The following THSD7A variants were observed in gnomAD, a reference collection of about 807,000 sequenced individuals.
THSD7A encodes thrombospondin type 1 domain containing 7A, also known as thrombospondin type-1 domain-containing protein 7A.
In THSD7A, 96 loss-of-function variants were observed where a neutral mutation model predicts 231.3. That is an observed-to-expected ratio of 0.41 (90% CI 0.35 to 0.49). THSD7A has a LOEUF of 0.49. THSD7A is among the 20% of genes least tolerant of loss of function. The pLI, the probability that THSD7A is intolerant of heterozygous loss-of-function variation, is 0.05. For missense variants in THSD7A, 2,290 were observed against 2,070.2 expected, an observed-to-expected ratio of 1.11 and a Z score of -2.06; for synonymous variants, 940 against 743.3, an observed-to-expected ratio of 1.26 and a Z score of -4.30.
At chr7:11,787,208 G>A (rs1041133041) in intron 1 of THSD7A, among the ~76,000 whole-genome samples, 21 of 151,836 alleles carry the variant, frequency 1.4e-4, no homozygotes, top group East Asian at 1.9e-4. Context: ...GACTTTCACC[G>A]CAAAAAAATA....
At chr7:11,675,281 G>T (rs1256113433) in intron 1 of THSD7A, among the ~76,000 whole-genome samples, 1 of 152,108 alleles carries the variant, frequency 6.6e-6, no homozygotes, top group Non-Finnish European at 1.5e-5. Flanking sequence ...ACAGACCAGC[G>T]GTTTCCCTTG....
chr7:11,819,629 T>G (rs547383009), intron 1 of THSD7A, among the ~76,000 whole-genome samples: 3 of 152,258 alleles, frequency 2.0e-5, no homozygotes, highest in East Asian at 1.9e-4. Flanking sequence ...ATGGAGACAG[T>G]AAAAAGATAT....
intron 1 of THSD7A, among the ~76,000 whole-genome samples, chr7:11,769,153 A>ATTTTTTTTTTTTTTTTTTTTTT (rs1227041855): frequency 1.4e-4 from 4 of 27,648 alleles, no homozygotes; most frequent in Non-Finnish European, 2.8e-4. Flanking sequence ...ATATATATAT[A>ATTTTTTTTTTTTTTTTTTTTTT]TTTTTTTTTT....
At chr7:11,567,337 G>C (rs1426095972) in intron 4 of THSD7A, among the ~76,000 whole-genome samples, 2 of 151,780 alleles carry the variant, frequency 1.3e-5, no homozygotes, top group African/African-American at 2.4e-5. Context: ...ATCAAATCTC[G>C]TGAGAACTCA....
intron 6 of THSD7A, among the ~76,000 whole-genome samples, chr7:11,540,842 C>A (rs991283643): frequency 1.3e-5 from 2 of 152,188 alleles, no homozygotes; most frequent in African/African-American, 4.8e-5. Flanking sequence ...TTGCGGAAAG[C>A]CACTATCCAG....
intron 1 of THSD7A, among the ~76,000 whole-genome samples, chr7:11,727,804 C>T (rs1416421289): frequency 6.6e-6 from 1 of 151,952 alleles, no homozygotes; most frequent in Non-Finnish European, 1.5e-5. Context: ...TGAGGATACA[C>T]CCATTGCTTT....
At chr7:11,641,536 T>C (rs1782081171) in intron 1 of THSD7A, among the ~76,000 whole-genome samples, 1 of 152,080 alleles carries the variant, frequency 6.6e-6, no homozygotes, top group Non-Finnish European at 1.5e-5. Flanking sequence ...TTCAATAATA[T>C]TCCCACAGAT....
chr7:11,378,793 A>C (rs1782384076), intron 26 of THSD7A: 1 of 373,244 alleles, frequency 2.7e-6, no homozygotes, highest in Admixed American at 4.2e-5. Flanking sequence ...TTTGAAATTA[A>C]TTATACTTGT....
At chr7:11,454,344 A>G (rs1785235949) in intron 11 of THSD7A, among the ~76,000 whole-genome samples, 3 of 151,870 alleles carry the variant, frequency 2.0e-5, no homozygotes, top group African/African-American at 7.2e-5. Flanking sequence ...CTCAATACCC[A>G]AAGCCTTGTA....
At chr7:11,521,427 C>T (rs1236676115) in intron 6 of THSD7A, among the ~76,000 whole-genome samples, 2 of 151,130 alleles carry the variant, frequency 1.3e-5, no homozygotes, top group African/African-American at 4.9e-5. Context: ...ACACTGAAGT[C>T]ACAAGCTTAG....
chr7:11,524,425 A>G (rs1788390169), intron 6 of THSD7A, among the ~76,000 whole-genome samples: 1 of 152,192 alleles, frequency 6.6e-6, no homozygotes, highest in African/African-American at 2.4e-5. Context: ...GTTTTTAGAA[A>G]AAGCATAAAC....
chr7:11,720,907 C>T (rs1355375803), intron 1 of THSD7A, among the ~76,000 whole-genome samples: 1 of 151,692 alleles, frequency 6.6e-6, no homozygotes, highest in African/African-American at 2.4e-5. Flanking sequence ...CTACTCTACC[C>T]ACCCCTTAAC....
intron 6 of THSD7A, among the ~76,000 whole-genome samples, chr7:11,495,529 T>G (rs1787062535): frequency 6.6e-6 from 1 of 152,142 alleles, no homozygotes; most frequent in Non-Finnish European, 1.5e-5. Flanking sequence ...GGTGAACAGT[T>G]TCAAAGAAGA....
chr7:11,456,390 G>C (rs1402197518), intron 11 of THSD7A, among the ~76,000 whole-genome samples: 1 of 151,918 alleles, frequency 6.6e-6, no homozygotes, highest in Non-Finnish European at 1.5e-5. Flanking sequence ...CAAAAAGAAT[G>C]CTGCAATTTC....
rs1311521032 is a variant in THSD7A, at chr7:11,546,212, A to G, written c.1454-3095T>C. 6.1e-5 allele frequency among the ~76,000 whole-genome samples: 7 copies of G among 114,978 alleles called. No homozygotes were observed. The South Asian group carries it at 7.9e-4, about 13-fold the overall frequency. The allele number at this position is 114,978 out of a possible 152,430, so 75.4% of individuals were successfully genotyped here. A position where few individuals can be genotyped will look rare whatever the true frequency, so the allele number is the denominator to read the frequency against. On this transcript the variant is annotated intron_variant, in intron 4 of 27. Coordinates refer to ENST00000423059, the MANE Select transcript of THSD7A (RefSeq NM_015204.3). ...CTGGTGTGGGCGCGCGCTCACACAC[A>G]CACACACACACACACACACGTGGAC...
chr7:11,670,673 A>C (rs1480447755), intron 1 of THSD7A, among the ~76,000 whole-genome samples: 4 of 152,190 alleles, frequency 2.6e-5, no homozygotes, highest in African/African-American at 7.2e-5. Context: ...AAAGTGATCC[A>C]TTAGGATCAC....
Position 11,406,471 on chromosome 7 carries a change from C to T in THSD7A, c.4066G>A (p.Ala1356Thr). The change falls in exon 22 of 28, where the codon GCC (alanine) becomes ACC (threonine). Residue 1356 changes from alanine to threonine, a missense_variant. By Grantham distance (58) the Ala-to-Thr change is moderately conservative. Transcript: ENST00000423059. This position sits in a 1 kb window ranked among gnomAD's most constrained non-coding sequence, Gnocchi z 4.7. Reference protein sequence around the residue: ...GQWSPCQVQEAQCGEGTRTRN... With the variant: ...GQWSPCQVQETQCGEGTRTRN... The stretch of plus-strand genomic sequence containing the variant: ...GTTCTGGTCCCTTCTCCACACTGGG[C>T]CTCCTGGAATGGAGGAAGAAATAAC... The T allele has an allele frequency of 6.2e-7, 1 of 1,605,894 alleles. No homozygotes were observed. The highest frequency in any genetic ancestry group is 8.5e-7 in the Non-Finnish European group (1 of 1,177,362).
chr7:11,593,357 G>A lies in THSD7A; in HGVS notation c.1168C>T (p.Arg390Ter), dbSNP rs867773561. 2 of 1,613,980 alleles carry A rather than the reference G, an allele frequency of 1.2e-6. No individual in the cohort carries two copies. The highest frequency in any genetic ancestry group is 1.7e-6 in the Non-Finnish European group (2 of 1,179,896). The change falls in exon 3 of 28, where the codon CGA (arginine) becomes TGA (stop). Residue 390 changes from arginine to a stop codon, truncating the protein, a stop_gained. Transcript: ENST00000423059. LOFTEE classifies it high-confidence loss of function. Reference protein sequence around the residue: ...VSPAGTRVRTRTIRQFPIGSE... With the variant: ...VSPAGTRVRT ...CCAATGGGAAACTGCCTGATGGTTC[G>A]TGTCCTTACACGAGTGCCTGCAGGG...
intron 17 of THSD7A, 30 bp downstream of exon 17, chr7:11,417,420 C>T: frequency 6.5e-7 from 1 of 1,537,380 alleles, no homozygotes; most frequent in Non-Finnish European, 8.7e-7. Context: ...TAAATAAACT[C>T]TACATTAATA....
Sources: allele counts gnomAD v4.1 joint callset (sites outside exome capture counted in the v4.1 genomes callset), GRCh38; gene constraint gnomAD v4.1.1; non-coding constraint Gnocchi (gnomAD v3.1); transcripts MANE v1.5; gene names NCBI Gene and HGNC (gene_info 2026-07-23, HGNC 2026-07-21).